GRIK2: variants seen among roughly 807,000 people sequenced by gnomAD.
GRIK2 encodes glutamate receptor ionotropic, kainate 2.
A neutral mutation model predicts 100.3 loss-of-function variants in GRIK2; 32 were observed. The ratio of observed to expected loss-of-function variants is 0.32; its 90% CI spans 0.24 to 0.43. GRIK2 has a LOEUF of 0.43. GRIK2 is among the 20% of genes least tolerant of loss of function. The pLI, the probability that GRIK2 is intolerant of heterozygous loss-of-function variation, is 1.00. For missense variants in GRIK2, 843 were observed against 1,114.9 expected, an observed-to-expected ratio of 0.76 and a Z score of 3.47; for synonymous variants, 417 against 389.4, an observed-to-expected ratio of 1.07 and a Z score of -0.83.
intron 14 of GRIK2, among the ~76,000 whole-genome samples, chr6:101,932,335 T>C (rs1790341760): frequency 6.6e-6 from 1 of 152,066 alleles, no homozygotes; most frequent in African/African-American, 2.4e-5. Flanking sequence ...TTTAAAAATG[T>C]AAGCTCCATC....
At chr6:101,967,652 T>C (rs557611356) in intron 14 of GRIK2, among the ~76,000 whole-genome samples, 3 of 152,130 alleles carry the variant, frequency 2.0e-5, no homozygotes, top group African/African-American at 7.2e-5. Context: ...CTAGTCCGGA[T>C]ATCAGGTGTT....
At chr6:101,560,786 C>G (rs1213018773) in intron 2 of GRIK2, among the ~76,000 whole-genome samples, 1 of 152,086 alleles carries the variant, frequency 6.6e-6, no homozygotes, top group African/African-American at 2.4e-5. Context: ...TGAAATCTCA[C>G]TATTTGTCAA....
At chr6:101,809,218 A>C (rs1481374655) in intron 9 of GRIK2, among the ~76,000 whole-genome samples, 5 of 152,060 alleles carry the variant, frequency 3.3e-5, no homozygotes, top group African/African-American at 9.6e-5. Flanking sequence ...CTATCTTGAT[A>C]ATATATGAGG....
chr6:101,979,407 T>G (rs1029544985), intron 14 of GRIK2, among the ~76,000 whole-genome samples: 1 of 151,774 alleles, frequency 6.6e-6, no homozygotes, highest in African/African-American at 2.4e-5. Flanking sequence ...CAAAGGATGG[T>G]GGAGGAAGCA....
intron 11 of GRIK2, among the ~76,000 whole-genome samples, chr6:101,861,510 T>C (rs1273488305): frequency 6.6e-6 from 1 of 152,156 alleles, no homozygotes; most frequent in Non-Finnish European, 1.5e-5. Flanking sequence ...TGAATGGCAG[T>C]TTTATATTAA....
intron 2 of GRIK2, among the ~76,000 whole-genome samples, chr6:101,444,670 C>G (rs1034454434): frequency 6.6e-6 from 1 of 152,048 alleles, no homozygotes; most frequent in African/African-American, 2.4e-5. Context: ...GCAATCCTTT[C>G]TTATTGAAAA....
At chr6:101,670,124 A>C (rs1770320273) in intron 4 of GRIK2, among the ~76,000 whole-genome samples, 1 of 152,120 alleles carries the variant, frequency 6.6e-6, no homozygotes, top group Non-Finnish European at 1.5e-5. Context: ...AGCATTATAG[A>C]AACTGCTTTT....
chr6:101,746,658 C>T (rs959919373), intron 7 of GRIK2, among the ~76,000 whole-genome samples: 9 of 152,136 alleles, frequency 5.9e-5, no homozygotes, highest in Admixed American at 6.5e-5. Context: ...GTGGATAAGA[C>T]AGATTTTGTT....
chr6:101,666,375 T>A (rs1770031398), intron 4 of GRIK2, among the ~76,000 whole-genome samples: 1 of 152,190 alleles, frequency 6.6e-6, no homozygotes, highest in Non-Finnish European at 1.5e-5. Context: ...AGCTTGAATG[T>A]CTTAAGTGTT....
At chr6:101,840,960 C>T (rs1351879474) in intron 10 of GRIK2, among the ~76,000 whole-genome samples, 1 of 152,086 alleles carries the variant, frequency 6.6e-6, no homozygotes, top group Non-Finnish European at 1.5e-5. Flanking sequence ...CCTTATGCTA[C>T]ATTCAAATAT....
At chr6:101,586,464 A>G (rs1778369118) in intron 2 of GRIK2, among the ~76,000 whole-genome samples, 2 of 152,058 alleles carry the variant, frequency 1.3e-5, no homozygotes, top group Admixed American at 1.3e-4. Context: ...CAAATCCAAA[A>G]CTGCTCTGAA....
chr6:101,602,865 T>C lies in GRIK2; in HGVS notation c.116-19084T>C, dbSNP rs545783013. Among the ~76,000 whole-genome samples, 14 of 151,868 alleles carry C rather than the reference T, an allele frequency of 9.2e-5. No homozygotes were observed. The South Asian group carries it at 2.9e-3, about 31-fold the overall frequency. On this transcript the variant is annotated intron_variant, in intron 2 of 16. Transcript: ENST00000369134. The stretch of plus-strand genomic sequence containing the variant: ...AATATAATATGGAGTCAACTTTTAT[T>C]TGAATTGTTGAGTGATTTGCATCAT...
chr6:101,887,296 G>A (rs940724907), intron 11 of GRIK2, among the ~76,000 whole-genome samples: 3 of 151,928 alleles, frequency 2.0e-5, no homozygotes, highest in East Asian at 3.9e-4. Flanking sequence ...TGTTGTGTAC[G>A]ATAAATACAT....
chr6:101,484,077 T>C (rs1024717380), intron 2 of GRIK2, among the ~76,000 whole-genome samples: 1 of 152,236 alleles, frequency 6.6e-6, no homozygotes, highest in Non-Finnish European at 1.5e-5. Flanking sequence ...TTTATAACTT[T>C]GTAGTCAACC....
At chr6:102,014,309 T>C (rs1034455047) in intron 14 of GRIK2, among the ~76,000 whole-genome samples, 1 of 152,158 alleles carries the variant, frequency 6.6e-6, no homozygotes, top group Non-Finnish European at 1.5e-5. Context: ...TTATTTCTCA[T>C]TGTGGCTATT....
At chr6:101,909,288 A>C (rs1471704019) in intron 12 of GRIK2, among the ~76,000 whole-genome samples, 2 of 150,494 alleles carry the variant, frequency 1.3e-5, no homozygotes, top group Non-Finnish European at 3.0e-5. Context: ...CTCTATAAAT[A>C]GGAACAGGAA....
At chr6:102,059,060 C>G (rs1367886734) in intron 16 of GRIK2, among the ~76,000 whole-genome samples, 1 of 151,030 alleles carries the variant, frequency 6.6e-6, no homozygotes, top group African/African-American at 2.4e-5. Flanking sequence ...ACAAATAGCT[C>G]TTGATAATGA....
At chr6:101,521,661 C>A (rs1024332975) in intron 2 of GRIK2, among the ~76,000 whole-genome samples, 11 of 151,490 alleles carry the variant, frequency 7.3e-5, no homozygotes, top group Non-Finnish European at 1.6e-4. Flanking sequence ...AAATAAGATA[C>A]TTTTTACTTT....
chr6:101,754,981 T>G (rs1243818371), intron 7 of GRIK2, among the ~76,000 whole-genome samples: 2 of 152,128 alleles, frequency 1.3e-5, no homozygotes, highest in Admixed American at 6.5e-5. Context: ...CTTTCAGCGA[T>G]GTAGGCACTC....
Sources: allele counts gnomAD v4.1 joint callset (sites outside exome capture counted in the v4.1 genomes callset), GRCh38; gene constraint gnomAD v4.1.1; transcripts MANE v1.5; gene names NCBI Gene and HGNC (gene_info 2026-07-23, HGNC 2026-07-21).